Variants in NEMP2 observed in about 807,000 individuals in gnomAD.
NEMP2 encodes nuclear envelope integral membrane protein 2.
A neutral mutation model predicts 54.2 loss-of-function variants in NEMP2; 53 were observed. That is an observed-to-expected ratio of 0.98 (90% CI 0.78 to 1.23). The LOEUF is 1.23. NEMP2 is among the 50% of genes most tolerant of loss of function. NEMP2 has a pLI of 0.00. For synonymous variants in NEMP2, 197 were observed against 190.3 expected (o/e 1.04, Z -0.29); for missense variants, 455 against 511.3 (o/e 0.89, Z 1.06).
At chr2:190,439,667 C>T in the NEMP2 span, among the ~76,000 whole-genome samples, 49 of 152,174 alleles carry the variant, frequency 3.2e-4, no homozygotes, top group Admixed American at 2.5e-3. This position sits in a 1 kb window ranked among gnomAD's most constrained non-coding sequence, Gnocchi z 5.8. Flanking sequence ...CTGGTTTTTA[C>T]GGACAAAAAG....
chr2:190,546,180 T>C, the NEMP2 span, among the ~76,000 whole-genome samples: 2 of 152,194 alleles, frequency 1.3e-5, no homozygotes, highest in African/African-American at 4.8e-5. The surrounding 1 kb of genome is among the most constrained non-coding windows in gnomAD (Gnocchi z 5.1). Context: ...ATCTGTGTGT[T>C]CCGCATCCAT....
At chr2:190,500,087 C>T (rs962396007), downstream of NEMP2, 2 of 1,614,180 alleles carry the variant, frequency 1.2e-6, no homozygotes, top group South Asian at 2.2e-5. This position sits in a 1 kb window ranked among gnomAD's most constrained non-coding sequence, Gnocchi z 5.3. Context: ...TCACTCTGAC[C>T]CATCTAGAAA....
chr2:190,648,522 T>G, the NEMP2 span: 11 of 79,224 alleles, frequency 1.4e-4, no homozygotes, highest in Non-Finnish European at 3.0e-4. Context: ...TGTTGTTTTT[T>G]TTTTTTTTTT....
the NEMP2 span, among the ~76,000 whole-genome samples, chr2:190,463,220 T>G: frequency 6.6e-6 from 1 of 152,216 alleles, no homozygotes; most frequent in African/African-American, 2.4e-5. This position sits in a 1 kb window ranked among gnomAD's most constrained non-coding sequence, Gnocchi z 4.4. Flanking sequence ...AGACTAAGAT[T>G]TAATTCTTTC....
At chr2:190,620,459 A>C in the NEMP2 span, 3 of 152,226 alleles carry the variant, frequency 2.0e-5, no homozygotes, top group Non-Finnish European at 4.4e-5. The surrounding 1 kb of genome is among the most constrained non-coding windows in gnomAD (Gnocchi z 4.9). Context: ...AAACAAACAA[A>C]AAAACAGAGA....
chr2:190,597,161 G>C, the NEMP2 span, among the ~76,000 whole-genome samples: 1 of 151,796 alleles, frequency 6.6e-6, no homozygotes, highest in Non-Finnish European at 1.5e-5. This position sits in a 1 kb window ranked among gnomAD's most constrained non-coding sequence, Gnocchi z 4.7. Flanking sequence ...CTACTGAGCA[G>C]GCTGAAGTAA....
the NEMP2 span, among the ~76,000 whole-genome samples, chr2:190,479,238 T>C: frequency 6.6e-6 from 1 of 152,252 alleles, no homozygotes; most frequent in African/African-American, 2.4e-5. Context: ...ATCTTTCTCA[T>C]GTTCAGTAAG....
the NEMP2 span, among the ~76,000 whole-genome samples, chr2:190,569,971 C>A: frequency 1.2e-4 from 19 of 152,208 alleles, no homozygotes; most frequent in Non-Finnish European, 2.2e-4. Context: ...GCCATCAGAG[C>A]TGGGCTGTGG....
At chr2:190,619,717 T>A in the NEMP2 span, among the ~76,000 whole-genome samples, 1 of 152,158 alleles carries the variant, frequency 6.6e-6, no homozygotes, top group Non-Finnish European at 1.5e-5. The surrounding 1 kb of genome is among the most constrained non-coding windows in gnomAD (Gnocchi z 5.5). Flanking sequence ...TTCATTCTGC[T>A]ATCTAAGGGA....
the NEMP2 span, among the ~76,000 whole-genome samples, chr2:190,430,135 T>C: frequency 6.6e-6 from 1 of 151,970 alleles, no homozygotes; most frequent in Non-Finnish European, 1.5e-5. Flanking sequence ...CTGAGAATGA[T>C]GGTTTCCAGC....
the NEMP2 span, among the ~76,000 whole-genome samples, chr2:190,640,043 T>C: frequency 6.6e-6 from 1 of 152,198 alleles, no homozygotes; most frequent in African/African-American, 2.4e-5. Context: ...ATTTAGTAAA[T>C]TTCCTTCCAT....
At chr2:190,439,633 C>A in the NEMP2 span, among the ~76,000 whole-genome samples, 158 of 152,260 alleles carry the variant, frequency 1.0e-3, 1 homozygote, top group African/African-American at 3.7e-3. This position sits in a 1 kb window ranked among gnomAD's most constrained non-coding sequence, Gnocchi z 5.8. Flanking sequence ...CTCATCATTT[C>A]AAAATTCACT....
At chr2:190,563,904 G>C in the NEMP2 span, among the ~76,000 whole-genome samples, 3 of 152,240 alleles carry the variant, frequency 2.0e-5, no homozygotes, top group African/African-American at 7.2e-5. The surrounding 1 kb of genome is among the most constrained non-coding windows in gnomAD (Gnocchi z 4.3). Context: ...CTGGCCCCAG[G>C]GGAGGCGGGG....
the NEMP2 span, among the ~76,000 whole-genome samples, chr2:190,640,364 G>A: frequency 4.7e-5 from 7 of 149,520 alleles, no homozygotes; most frequent in African/African-American, 1.7e-4. Context: ...CAGCAATGAT[G>A]AGCCCCTAAC....
At chr2:190,456,734 G>C in the NEMP2 span, among the ~76,000 whole-genome samples, 1 of 152,190 alleles carries the variant, frequency 6.6e-6, no homozygotes, top group African/African-American at 2.4e-5. The surrounding 1 kb of genome is among the most constrained non-coding windows in gnomAD (Gnocchi z 5.4). Flanking sequence ...TCCAGCTGCA[G>C]GTAAGAGGTG....
At chr2:190,421,494 G>GGTT in the NEMP2 span, among the ~76,000 whole-genome samples, 1 of 152,170 alleles carries the variant, frequency 6.6e-6, no homozygotes, top group Non-Finnish European at 1.5e-5. Context: ...ATGTTTACAA[G>GGTT]GTTACAAACC....
At chr2:190,451,354 T>G in the NEMP2 span, among the ~76,000 whole-genome samples, 1 of 152,198 alleles carries the variant, frequency 6.6e-6, no homozygotes. This position sits in a 1 kb window ranked among gnomAD's most constrained non-coding sequence, Gnocchi z 5.0. Flanking sequence ...TAATAAGTCC[T>G]CAACTATGAA....
the NEMP2 span, among the ~76,000 whole-genome samples, chr2:190,476,289 A>C: frequency 2.0e-3 from 306 of 152,306 alleles, 4 homozygotes; most frequent in African/African-American, 7.2e-3. Context: ...AATGGGAGAA[A>C]ATTTTTGCAA....
At chr2:190,645,837 T>C in the NEMP2 span, among the ~76,000 whole-genome samples, 12 of 152,270 alleles carry the variant, frequency 7.9e-5, no homozygotes, top group African/African-American at 2.9e-4. Context: ...TATATTCATC[T>C]TTTAGAGTGC....
Sources: gnomAD v4.1 joint callset for allele counts (sites outside exome capture counted in the v4.1 genomes callset) on GRCh38, gnomAD v4.1.1 for gene constraint, Gnocchi (gnomAD v3.1) non-coding constraint, MANE v1.5 for transcripts, NCBI Gene and HGNC (gene_info 2026-07-23, HGNC 2026-07-21) for gene names.